TBC1D1: variants seen among roughly 807,000 people sequenced by gnomAD.
TBC1D1 encodes TBC1 domain family member 1.
In TBC1D1, 89 loss-of-function variants were observed where a neutral mutation model predicts 125.6. The ratio of observed to expected loss-of-function variants is 0.71; its 90% CI spans 0.60 to 0.85. The LOEUF (loss-of-function observed/expected upper bound fraction) is 0.85, where lower values mean the gene tolerates loss of function less well. TBC1D1 is among the 40% of genes least tolerant of loss of function. The pLI is 0.00. For synonymous variants in TBC1D1, 565 were observed against 564.1 expected, an observed-to-expected ratio of 1.00 and a Z score of -0.02; for missense variants, 1,377 against 1,469.2, an observed-to-expected ratio of 0.94 and a Z score of 1.03.
intron 2 of TBC1D1, among the ~76,000 whole-genome samples, chr4:37,975,914 T>G (rs1016066453): frequency 6.6e-6 from 1 of 152,180 alleles, no homozygotes; most frequent in Non-Finnish European, 1.5e-5. Flanking sequence ...GTGCCCTGGG[T>G]CTCTTGCCTT....
intron 15 of TBC1D1, chr4:38,110,565 G>T: frequency 2.0e-6 from 2 of 985,356 alleles, no homozygotes; most frequent in Non-Finnish European, 2.4e-6. Context: ...AGGCCTTTCT[G>T]GCATATTTCT....
chr4:38,103,135 G>A lies in TBC1D1; in HGVS notation c.2535G>A (p.Gln845=), dbSNP rs1377131117. 6.2e-7 allele frequency: 1 copy of A among 1,612,180 alleles called. No homozygotes were observed. The highest frequency in any genetic ancestry group is 8.5e-7 in the Non-Finnish European group (1 of 1,179,502). The change falls in exon 15 of 20, where the codon CAG becomes CAA. Residue 845 remains glutamine (Q), a synonymous_variant. Transcript: ENST00000261439. Reference sequence around the variant, plus strand: ...TCTTAAAGCAGCTGACTTCCCAGCAGCATGCGATTCTTATTGACCTTGGTA... The same window carrying A: ...TCTTAAAGCAGCTGACTTCCCAGCAACATGCGATTCTTATTGACCTTGGTA...
At chr4:37,937,896 A>C (rs573354227) in intron 2 of TBC1D1, among the ~76,000 whole-genome samples, 22 of 152,138 alleles carry the variant, frequency 1.4e-4, no homozygotes, top group Non-Finnish European at 1.8e-4. Flanking sequence ...TGTTGCATTA[A>C]ATATTACTGG....
At chr4:38,041,421 G>C (rs1748348885) in intron 8 of TBC1D1, among the ~76,000 whole-genome samples, 2 of 152,184 alleles carry the variant, frequency 1.3e-5, no homozygotes, top group Admixed American at 1.3e-4. Flanking sequence ...GTAGTCTGAA[G>C]GGGCACAGTC....
At chr4:38,047,370 A>G (rs946011543) in intron 10 of TBC1D1, among the ~76,000 whole-genome samples, 6 of 152,224 alleles carry the variant, frequency 3.9e-5, no homozygotes, top group Middle Eastern at 3.4e-3. Context: ...CATTTCTGAC[A>G]AGCTCCAAGG....
Position 37,995,792 on chromosome 4 carries a change from C to A in TBC1D1, c.418-18717C>A. The stretch of plus-strand genomic sequence containing the variant: ...CTCTCCAGCACCTTCTCCTGGATTG[C>A]TACCCCAAATCATTTGCATCCTCAG... On this transcript the variant is annotated intron_variant, in intron 2 of 19. Transcript: ENST00000261439. This position sits in a 1 kb window ranked among gnomAD's most constrained non-coding sequence, Gnocchi z 4.3. 1.9e-6 allele frequency: 1 copy of A among 540,078 alleles called. No homozygotes were observed. The highest frequency in any genetic ancestry group is 3.7e-6 in the Non-Finnish European group (1 of 268,584). 33.5% of individuals were successfully genotyped at this position (540,078 alleles called of 1,614,324 possible).
rs528075278 is a variant in TBC1D1, at chr4:38,089,748, T to C, written c.2051-184T>C. Among the ~76,000 whole-genome samples, 66 of 152,374 alleles carry C rather than the reference T, an allele frequency of 4.3e-4. 1 individual carries two copies. The highest frequency in any genetic ancestry group is 1.5e-3 in the African/African-American group (64 of 41,594). ...GAAGTTTTGCTTACTATTTGACATA[T>C]CATTTGTTTCACGTTTGTGGCTCAG... is the stretch of plus-strand genomic sequence containing the variant. On this transcript the variant is annotated intron_variant, in intron 12 of 19. Transcript: ENST00000261439.
chr4:37,964,346 G>A (rs550019380), intron 2 of TBC1D1, among the ~76,000 whole-genome samples: 6 of 152,298 alleles, frequency 3.9e-5, no homozygotes, highest in Non-Finnish European at 8.8e-5. Flanking sequence ...GGGTCGGGGC[G>A]CTGTACTTCA....
chr4:38,034,856 A>G (rs557255073), intron 7 of TBC1D1, among the ~76,000 whole-genome samples: 1 of 152,334 alleles, frequency 6.6e-6, no homozygotes, highest in African/African-American at 2.4e-5. Context: ...AAAAAAATTC[A>G]CTCTGGCATT....
At chr4:37,928,274 T>G (rs1425736425) in intron 2 of TBC1D1, among the ~76,000 whole-genome samples, 1 of 152,252 alleles carries the variant, frequency 6.6e-6, no homozygotes, top group Non-Finnish European at 1.5e-5. Context: ...GGATGCATTT[T>G]ATAATATGGT....
intron 8 of TBC1D1, among the ~76,000 whole-genome samples, chr4:38,042,168 T>C (rs1473786252): frequency 6.6e-6 from 1 of 151,998 alleles, no homozygotes; most frequent in Non-Finnish European, 1.5e-5. Context: ...AGAGTGAGAC[T>C]CCATCCCAAA....
chr4:38,013,122 C>T (rs1741893826), intron 2 of TBC1D1, among the ~76,000 whole-genome samples: 2 of 152,128 alleles, frequency 1.3e-5, no homozygotes, highest in South Asian at 4.1e-4. Flanking sequence ...TCATTTAGGT[C>T]TCATCAGGTA....
At chr4:38,110,416 C>T (rs1578763395) in intron 15 of TBC1D1, 2 of 985,406 alleles carry the variant, frequency 2.0e-6, no homozygotes, top group Non-Finnish European at 2.4e-6. Context: ...GGTGAAGGCT[C>T]TTCCCCCTCC....
intron 2 of TBC1D1, among the ~76,000 whole-genome samples, chr4:37,953,987 C>T (rs888227691): frequency 6.6e-6 from 1 of 152,138 alleles, no homozygotes; most frequent in Non-Finnish European, 1.5e-5. Flanking sequence ...GATTTCCAAG[C>T]GATTCATAGG....
intron 18 of TBC1D1, among the ~76,000 whole-genome samples, chr4:38,129,283 C>T (rs1765178574): frequency 6.6e-6 from 1 of 152,168 alleles, no homozygotes; most frequent in East Asian, 1.9e-4. Context: ...GGCAAAGGTG[C>T]CTCTTCTGCC....
chr4:37,944,269 C>T (rs1386944551), intron 2 of TBC1D1, among the ~76,000 whole-genome samples: 1 of 152,160 alleles, frequency 6.6e-6, no homozygotes, highest in Admixed American at 6.5e-5. Flanking sequence ...CCCAGTTAGG[C>T]TACTTGGGGG....
chr4:37,907,682 T>C (rs767435971), intron 2 of TBC1D1, among the ~76,000 whole-genome samples: 2 of 152,202 alleles, frequency 1.3e-5, no homozygotes, highest in African/African-American at 4.8e-5. Context: ...ACATATCCAC[T>C]CTGGAAACTG....
chr4:38,053,138 T>C, intron 11 of TBC1D1: 1 of 1,532,850 alleles, frequency 6.5e-7, no homozygotes, highest in African/African-American at 1.4e-5. Flanking sequence ...CGGAAAAAAC[T>C]TCATTCTTCT....
At chr4:37,960,258 T>C (rs1464968819) in intron 2 of TBC1D1, among the ~76,000 whole-genome samples, 1 of 152,202 alleles carries the variant, frequency 6.6e-6, no homozygotes, top group African/African-American at 2.4e-5. Context: ...CCTACCCAGG[T>C]TTGTCTGACC....
Sources: gnomAD v4.1 joint callset for allele counts (sites outside exome capture counted in the v4.1 genomes callset) on GRCh38, gnomAD v4.1.1 for gene constraint, Gnocchi (gnomAD v3.1) non-coding constraint, MANE v1.5 for transcripts, NCBI Gene and HGNC (gene_info 2026-07-23, HGNC 2026-07-21) for gene names.